The following CNTNAP2 variants were observed in gnomAD, a reference collection of about 807,000 sequenced individuals.
CNTNAP2 encodes the protein contactin-associated protein-like 2.
A neutral mutation model predicts 155.2 loss-of-function variants in CNTNAP2; 98 were observed. The ratio of observed to expected loss-of-function variants is 0.63; its 90% CI spans 0.54 to 0.75. The LOEUF is 0.75. Ranked by LOEUF, CNTNAP2 falls within the 30% of genes least tolerant of loss-of-function variation. The probability of loss-of-function intolerance (pLI) is 0.00; values close to 1 mark genes in which losing one functional copy is unlikely to be tolerated. For missense variants in CNTNAP2, 1,727 were observed against 1,688.1 expected, an observed-to-expected ratio of 1.02 and a Z score of -0.40; for synonymous variants, 651 against 631.2, an observed-to-expected ratio of 1.03 and a Z score of -0.47.
At chr7:146,630,603 A>G (rs1009090686) in intron 1 of CNTNAP2, among the ~76,000 whole-genome samples, 4 of 152,134 alleles carry the variant, frequency 2.6e-5, no homozygotes, top group African/African-American at 7.2e-5. Context: ...CTAACATGGT[A>G]AAAGCGTTCC....
Position 146,515,059 on chromosome 7 carries a change from A to G in CNTNAP2, c.98-259212A>G, listed in dbSNP as rs142173936. 2.9e-3 allele frequency among the ~76,000 whole-genome samples: 448 copies of G among 152,202 alleles called. 11 individuals carry two copies. The highest frequency in any genetic ancestry group is 0.029 in the Admixed American group (440 of 15,240). On this transcript the variant is annotated intron_variant, in intron 1 of 23. Transcript: ENST00000361727. ...AAAGGCTGTCTATGGGTTCATGCCA[A>G]GAGGATCCATGGAGTATGCCTCTCA...
chr7:146,430,558 G>A (rs1796159914), intron 1 of CNTNAP2, among the ~76,000 whole-genome samples: 1 of 151,936 alleles, frequency 6.6e-6, no homozygotes, highest in Non-Finnish European at 1.5e-5. Flanking sequence ...CTATTAAGTG[G>A]TGTTATATAA....
intron 21 of CNTNAP2, among the ~76,000 whole-genome samples, chr7:148,283,304 A>G (rs1304071980): frequency 8.9e-5 from 8 of 89,428 alleles, no homozygotes; most frequent in African/African-American, 4.7e-4. Flanking sequence ...AGAAAGAAAG[A>G]AAGGAAGGAA....
chr7:146,972,758 A>T (rs1377414053), intron 3 of CNTNAP2, among the ~76,000 whole-genome samples: 1 of 152,182 alleles, frequency 6.6e-6, no homozygotes, highest in Non-Finnish European at 1.5e-5. Flanking sequence ...AAGCCATTTA[A>T]TGCTTGAAAA....
chr7:148,032,724 A>G (rs548575884), intron 15 of CNTNAP2, among the ~76,000 whole-genome samples: 4 of 152,304 alleles, frequency 2.6e-5, no homozygotes, highest in African/African-American at 9.6e-5. Context: ...TAAGCAGAAG[A>G]GAGAACCAAT....
At chr7:146,302,730 C>T (rs1287840988) in intron 1 of CNTNAP2, among the ~76,000 whole-genome samples, 1 of 152,040 alleles carries the variant, frequency 6.6e-6, no homozygotes, top group Non-Finnish European at 1.5e-5. Context: ...CAATTCCAGC[C>T]ATAAAAGTGA....
intron 8 of CNTNAP2, among the ~76,000 whole-genome samples, chr7:147,194,994 C>T (rs1584785054): frequency 1.3e-5 from 2 of 152,042 alleles, no homozygotes; most frequent in African/African-American, 4.8e-5. Flanking sequence ...AAGTCTTTGC[C>T]CATGCTTATG....
At chr7:146,596,367 G>T (rs1007680940) in intron 1 of CNTNAP2, among the ~76,000 whole-genome samples, 10 of 151,852 alleles carry the variant, frequency 6.6e-5, no homozygotes, top group Admixed American at 2.0e-4. Flanking sequence ...TGATGAAAAG[G>T]CTGTGTAATA....
At chr7:146,249,116 ACTT>A (rs1422875377) in intron 1 of CNTNAP2, among the ~76,000 whole-genome samples, 1 of 152,026 alleles carries the variant, frequency 6.6e-6, no homozygotes, top group African/African-American at 2.4e-5. Context: ...GGCCATTTTC[ACTT>A]CTTTTGTGGT....
At chr7:148,078,292 G>A (rs1232644103) in intron 15 of CNTNAP2, among the ~76,000 whole-genome samples, 3 of 152,174 alleles carry the variant, frequency 2.0e-5, no homozygotes, top group African/African-American at 7.2e-5. Flanking sequence ...TCAAACTTCT[G>A]GCATCAAGTG....
intron 15 of CNTNAP2, among the ~76,000 whole-genome samples, chr7:147,992,314 A>G (rs2710076): frequency 0.43 from 65,798 of 151,598 alleles, 15,091 homozygotes; most frequent in African/African-American, 0.59. Context: ...GTTTCACCAC[A>G]TTGGCCAGGC....
intron 3 of CNTNAP2, among the ~76,000 whole-genome samples, chr7:146,959,683 G>A (rs1797514692): frequency 1.4e-5 from 2 of 139,084 alleles, no homozygotes; most frequent in South Asian, 4.5e-4. Context: ...TCATACCACT[G>A]CACTCCAGCC....
At chr7:147,122,907 A>G (rs561599075) in intron 6 of CNTNAP2, 1 of 152,284 alleles carries the variant, frequency 6.6e-6, no homozygotes, top group South Asian at 2.1e-4. Flanking sequence ...AATATGGAAT[A>G]TGCTCATCAT....
intron 1 of CNTNAP2, among the ~76,000 whole-genome samples, chr7:146,671,670 A>G (rs1162687306): frequency 6.6e-6 from 1 of 152,154 alleles, no homozygotes; most frequent in Non-Finnish European, 1.5e-5. Flanking sequence ...ATTCCTATAC[A>G]GCCTTCAGGA....
intron 9 of CNTNAP2, among the ~76,000 whole-genome samples, chr7:147,312,213 A>T (rs1032203873): frequency 6.6e-6 from 1 of 151,848 alleles, no homozygotes; most frequent in Non-Finnish European, 1.5e-5. Context: ...ATGTTTCTCA[A>T]GTAATGAAAA....
rs561635114 is a variant in CNTNAP2 at position 147,277,864 on chromosome 7, A to T, written c.1349-22277A>T. ...TTTTTAAGTAAACAACATTTAAAAG[A>T]TAATAGTAAATGAATTCAAACTTCT... On this transcript the variant is annotated intron_variant, in intron 8 of 23. Transcript: ENST00000361727. Among the ~76,000 whole-genome samples the T allele has an allele frequency of 2.0e-5, 3 of 151,814 alleles. No homozygotes were observed. The East Asian group carries it at 5.8e-4, about 29-fold the overall frequency.
chr7:147,159,506 C>T (rs913006404), intron 8 of CNTNAP2, among the ~76,000 whole-genome samples: 1 of 151,916 alleles, frequency 6.6e-6, no homozygotes, highest in African/African-American at 2.4e-5. Context: ...TAAGAAATAA[C>T]TTTTTAAAAC....
At chr7:148,243,973 G>T (rs1448166181) in intron 20 of CNTNAP2, among the ~76,000 whole-genome samples, 4 of 152,136 alleles carry the variant, frequency 2.6e-5, no homozygotes, top group Non-Finnish European at 5.9e-5. Flanking sequence ...TAGGGGTTTA[G>T]CATGTGCAAA....
Position 146,675,606 on chromosome 7 carries a change from T to C in CNTNAP2, c.98-98665T>C, listed in dbSNP as rs141547177. On this transcript the variant is annotated intron_variant, in intron 1 of 23. Coordinates refer to ENST00000361727, the MANE Select transcript of CNTNAP2 (RefSeq NM_014141.6). ...ATAAGTGAATGCCATGTAGTACCTATTTTGGTTGTCATTGGCTTTAAAGAG... is the reference window on the plus strand; with the variant it reads ...ATAAGTGAATGCCATGTAGTACCTACTTTGGTTGTCATTGGCTTTAAAGAG... 6.1e-3 allele frequency among the ~76,000 whole-genome samples: 932 copies of C among 152,300 alleles called. 29 individuals are homozygous for C. The highest frequency in any genetic ancestry group is 0.053 in the Admixed American group (805 of 15,292).
Sources: allele counts gnomAD v4.1 joint callset (sites outside exome capture counted in the v4.1 genomes callset), GRCh38; gene constraint gnomAD v4.1.1; transcripts MANE v1.5; gene names NCBI Gene and HGNC (gene_info 2026-07-23, HGNC 2026-07-21).